The following DAPK1 variants were observed in gnomAD, a reference collection of about 807,000 sequenced individuals.
The protein encoded by DAPK1 is death-associated protein kinase 1.
A neutral mutation model predicts 144.9 loss-of-function variants in DAPK1; 56 were observed. The ratio of observed to expected loss-of-function variants is 0.39; its 90% confidence interval spans 0.31 to 0.48. The LOEUF (loss-of-function observed/expected upper bound fraction) is 0.48, where lower values mean the gene tolerates loss of function less well. Ranked by LOEUF, DAPK1 falls within the 20% of genes least tolerant of loss-of-function variation. The pLI is 0.95. For synonymous variants in DAPK1, 690 were observed against 749.0 expected, an observed-to-expected ratio of 0.92 and a Z score of 1.29; for missense variants, 1,454 against 1,875.4, an observed-to-expected ratio of 0.78 and a Z score of 4.15.
Position 87,683,781 on chromosome 9 carries a change from AG to A in DAPK1, c.2224+2160del, listed in dbSNP as rs772327290. On this transcript the variant is annotated intron_variant, in intron 20 of 25. Coordinates refer to ENST00000408954, the MANE Select transcript of DAPK1 (RefSeq NM_004938.4). ...GAGCATCTTTAGCCAGGGATCGGGGAGGGGGTCCTGGCGCGGGGGCAGAAGC... is the reference window on the plus strand; with the variant it reads ...GAGCATCTTTAGCCAGGGATCGGGGAGGGGTCCTGGCGCGGGGGCAGAAGC... Among the ~76,000 whole-genome samples, 11 of 152,122 alleles carry A rather than the reference AG, an allele frequency of 7.2e-5. No individual in the cohort carries two copies. The East Asian group carries it at 1.4e-3, about 19-fold the overall frequency.
intron 2 of DAPK1, among the ~76,000 whole-genome samples, chr9:87,551,652 TA>T (rs1395311014): frequency 6.6e-6 from 1 of 152,112 alleles, no homozygotes; most frequent in Non-Finnish European, 1.5e-5. Context: ...AGGGACCCAT[TA>T]TGGGCCCATG....
rs971648929 is a variant in DAPK1, at chr9:87,674,280, C to A, written c.2001+5606C>A. On this transcript the variant is annotated intron_variant, in intron 19 of 25. Transcript: ENST00000408954. ...TTGGGAGGCTGAGGCAGGCAGATCA[C>A]CTGAGGTCAGTAGTTGAAAACCAGC... Among the ~76,000 whole-genome samples the A allele has an allele frequency of 1.2e-4, 19 of 152,214 alleles. No individual in the cohort carries two copies. The East Asian group carries it at 3.5e-3, about 28-fold the overall frequency.
intron 3 of DAPK1, among the ~76,000 whole-genome samples, chr9:87,627,759 C>G (rs1014333964): frequency 1.3e-5 from 2 of 152,180 alleles, no homozygotes; most frequent in African/African-American, 4.8e-5. Flanking sequence ...ACATCAGAAT[C>G]CCATGCCTGT....
chr9:87,499,887 CAG>C (rs1331301807), intron 2 of DAPK1, among the ~76,000 whole-genome samples: 3 of 152,246 alleles, frequency 2.0e-5, no homozygotes, highest in East Asian at 1.9e-4. Flanking sequence ...GTGTATTAGA[CAG>C]AGTGTTTTGG....
rs186447199 is a variant in DAPK1, at chr9:87,675,531, G to A, written c.2002-5873G>A. On this transcript the variant is annotated intron_variant, in intron 19 of 25. Transcript: ENST00000408954. Reference sequence around the variant, plus strand: ...AACAATGCCCGACATGACCCGAGAGGCGGCACAGCTCTATAGACCTTACCC... The same window carrying A: ...AACAATGCCCGACATGACCCGAGAGACGGCACAGCTCTATAGACCTTACCC... 7.7e-4 allele frequency among the ~76,000 whole-genome samples: 117 copies of A among 152,220 alleles called. 1 individual carries two copies. The Middle Eastern group carries it at 0.02, about 27-fold the overall frequency.
intron 25 of DAPK1, among the ~76,000 whole-genome samples, chr9:87,704,287 C>T (rs958262936): frequency 6.6e-6 from 1 of 152,220 alleles, no homozygotes; most frequent in Non-Finnish European, 1.5e-5. Flanking sequence ...TTCTAAACTC[C>T]TTTGGCACAG....
chr9:87,640,496 A>G (rs1210307093), intron 8 of DAPK1, 46 bp downstream of exon 8: 4 of 1,592,056 alleles, frequency 2.5e-6, no homozygotes, highest in Non-Finnish European at 3.4e-6. Flanking sequence ...GGCCTCAGCC[A>G]GCCCAGAGCC....
At chr9:87,616,453 A>AGGACAGTTTTCCCT (rs1564024865) in intron 3 of DAPK1, among the ~76,000 whole-genome samples, 1 of 152,210 alleles carries the variant, frequency 6.6e-6, no homozygotes, top group Non-Finnish European at 1.5e-5. Context: ...ACCAGGGAGA[A>AGGACAGTTTTCCCT]GGACAGTTTT....
intron 3 of DAPK1, among the ~76,000 whole-genome samples, chr9:87,619,311 C>T (rs1829209888): frequency 6.6e-6 from 1 of 152,178 alleles, no homozygotes; most frequent in Non-Finnish European, 1.5e-5. Context: ...TGTGAGCTTC[C>T]TGAGGATGTG....
intron 2 of DAPK1, among the ~76,000 whole-genome samples, chr9:87,502,169 TG>T (rs960016211): frequency 6.6e-6 from 1 of 152,016 alleles, no homozygotes; most frequent in Non-Finnish European, 1.5e-5. Flanking sequence ...AAAAGGGTCA[TG>T]GGGAGAAGGG....
At position 87,498,024 on chromosome 9, in the gene DAPK1, G is replaced by C; in HGVS notation, c.-192G>C. On this transcript the variant is annotated 5_prime_UTR_variant, in exon 1 of 26. Coordinates refer to ENST00000408954, the MANE Select transcript of DAPK1 (RefSeq NM_004938.4). ...ACTCCCTAGCTGTGTTCCCGCCGCC[G>C]CCCCGGCTAGTCTCCGGCGCTGGCG... 5.0e-6 allele frequency: 2 copies of C among 397,816 alleles called. No individual in the cohort carries two copies. Among genetic ancestry groups the C allele is most frequent in the Non-Finnish European group, 8.9e-6 (2 of 225,658 alleles). 24.6% of individuals were successfully genotyped at this position (397,816 alleles called of 1,614,324 possible). A position where few individuals can be genotyped will look rare whatever the true frequency, so the allele number is the denominator to read the frequency against.
intron 3 of DAPK1, among the ~76,000 whole-genome samples, chr9:87,608,170 C>T (rs11141911): frequency 0.038 from 5,713 of 152,244 alleles, 140 homozygotes; most frequent in Middle Eastern, 0.048. Context: ...TATAATCCGA[C>T]ATGAGATTTG....
rs1318684021 is a variant in DAPK1 at position 87,646,521 on chromosome 9, C to T, written c.1192C>T (p.Leu398Phe). The change falls in exon 13 of 26, where the codon CTC becomes TTC. Residue 398 changes from leucine (L) to phenylalanine (F), a missense_variant. Coordinates refer to ENST00000408954, the MANE Select transcript of DAPK1 (RefSeq NM_004938.4). ...TGGGAATATTCAAATACTACAGTTG[C>T]TCATTAAAAGAGGCTCGAGAATCGA... ...GCGNIQILQL[L>F]IKRGSRIDVQ... is the part of the protein sequence containing the mutation. 6.2e-7 allele frequency: 1 copy of T among 1,613,910 alleles called. No individual in the cohort carries two copies. The highest frequency in any genetic ancestry group is 1.1e-5 in the South Asian group (1 of 91,070).
chr9:87,623,769 T>C (rs1326090476), intron 3 of DAPK1, among the ~76,000 whole-genome samples: 1 of 152,096 alleles, frequency 6.6e-6, no homozygotes, highest in Non-Finnish European at 1.5e-5. Context: ...ATGCCCTTGC[T>C]CATAAGTGCC....
chr9:87,646,569 G>GT lies in DAPK1; in HGVS notation c.1230+14dup. 1 of 1,593,300 alleles carries GT rather than the reference G, an allele frequency of 6.3e-7. No individual in the cohort carries two copies. The highest frequency in any genetic ancestry group is 8.6e-7 in the Non-Finnish European group (1 of 1,161,920). On this transcript the variant is annotated intron_variant, in intron 13 of 25. Transcript: ENST00000408954. ...CGATGTCCAGGATAAGGTCATAATTGTTTTATTGAAATGAATTGAATTTTA... is the reference window on the plus strand; with the variant it reads ...CGATGTCCAGGATAAGGTCATAATTGTTTTTATTGAAATGAATTGAATTTTA...
At chr9:87,568,966 C>T (rs1827235109) in intron 2 of DAPK1, among the ~76,000 whole-genome samples, 1 of 152,154 alleles carries the variant, frequency 6.6e-6, no homozygotes, top group African/African-American at 2.4e-5. Context: ...ATCCAGCTAA[C>T]TTAGTAGGAG....
intron 2 of DAPK1, among the ~76,000 whole-genome samples, chr9:87,549,408 C>T (rs1301962776): frequency 7.9e-5 from 12 of 152,208 alleles, no homozygotes; most frequent in Non-Finnish European, 1.2e-4. Flanking sequence ...CATACCCATA[C>T]GTGTATCTTT....
intron 3 of DAPK1, among the ~76,000 whole-genome samples, chr9:87,616,184 G>A (rs945930580): frequency 2.6e-5 from 4 of 152,320 alleles, no homozygotes; most frequent in South Asian, 4.1e-4. Context: ...TTGGGGGTGG[G>A]CAGAAGATGT....
chr9:87,642,624 A>T (rs1373768669), intron 10 of DAPK1, among the ~76,000 whole-genome samples: 1 of 152,088 alleles, frequency 6.6e-6, no homozygotes, highest in East Asian at 1.9e-4. Context: ...AGGTGATGGG[A>T]TGGTTTCCTG....
Sources: gnomAD v4.1 joint callset for allele counts (sites outside exome capture counted in the v4.1 genomes callset) on GRCh38, gnomAD v4.1.1 for gene constraint, MANE v1.5 for transcripts, NCBI Gene and HGNC (gene_info 2026-07-23, HGNC 2026-07-21) for gene names.